The following MIS18A variants were observed in gnomAD, a reference collection of about 807,000 sequenced individuals.
MIS18A encodes protein Mis18-alpha.
A neutral mutation model predicts 25.0 loss-of-function variants in MIS18A; 14 were observed. The observed-to-expected ratio is 0.56, with a 90% CI of 0.37 to 0.88. The LOEUF is 0.88. Among genes scored for constraint, MIS18A ranks in the 40% least tolerant of loss-of-function variants. The pLI is 0.00. For synonymous variants in MIS18A, 134 were observed against 118.6 expected, an observed-to-expected ratio of 1.13 and a Z score of -0.84; for missense variants, 292 against 290.8, an observed-to-expected ratio of 1.00 and a Z score of -0.03.
At chr21:32,178,647 T>C in the MIS18A span, among the ~76,000 whole-genome samples, 9 of 152,174 alleles carry the variant, frequency 5.9e-5, no homozygotes, top group Non-Finnish European at 1.2e-4. Flanking sequence ...TTTTCTCTTT[T>C]AAAATCTTCT....
Position 32,274,890 on chromosome 21 carries a change from G to A in MIS18A, c.341C>T (p.Ser114Phe), listed in dbSNP as rs2123469844. 1 of 1,608,398 alleles carries A rather than the reference G, an allele frequency of 6.2e-7. No homozygotes were observed. Among genetic ancestry groups the A allele is most frequent in the Non-Finnish European group, 8.5e-7 (1 of 1,175,978 alleles). Residue 114 changes from serine (S) to phenylalanine (F), a missense_variant, in exon 2 of 5, where the codon TCC (serine) becomes TTC (phenylalanine). Coordinates refer to ENST00000290130, the MANE Select transcript of MIS18A (RefSeq NM_018944.3). ...TTCCTTATCCACAGAAACATTACAG[G>A]AAACACCTAGAAACAGAGAAAGTAA... ...DTNCILLRCVSCNVSVDKEQK... is the reference protein window; with the variant it reads ...DTNCILLRCVFCNVSVDKEQK...
chr21:32,174,153 C>T, the MIS18A span, among the ~76,000 whole-genome samples: 7 of 151,636 alleles, frequency 4.6e-5, no homozygotes, highest in Middle Eastern at 3.4e-3. Context: ...TTAGTAGAGA[C>T]GGGGTTTCAC....
chr21:32,252,128 G>T, the MIS18A span, among the ~76,000 whole-genome samples: 1 of 152,044 alleles, frequency 6.6e-6, no homozygotes, highest in South Asian at 2.1e-4. Context: ...TGACACTGCA[G>T]TGAACTAAGA....
At chr21:32,203,334 A>G in the MIS18A span, among the ~76,000 whole-genome samples, 1 of 152,036 alleles carries the variant, frequency 6.6e-6, no homozygotes, top group Non-Finnish European at 1.5e-5. Context: ...CTAAAATGAA[A>G]GGGTCACTAA....
chr21:32,229,476 G>A, the MIS18A span, among the ~76,000 whole-genome samples: 1 of 152,034 alleles, frequency 6.6e-6, no homozygotes, highest in Non-Finnish European at 1.5e-5. Flanking sequence ...GCACTTCAAA[G>A]CCTGTTGTAA....
intron 2 of MIS18A, among the ~76,000 whole-genome samples, chr21:32,272,787 C>A (rs2031737155): frequency 6.6e-6 from 1 of 152,146 alleles, no homozygotes; most frequent in South Asian, 2.1e-4. Context: ...TGTAATAGCA[C>A]AGTTGGTACC....
At chr21:32,193,784 A>G in the MIS18A span, among the ~76,000 whole-genome samples, 1 of 151,732 alleles carries the variant, frequency 6.6e-6, no homozygotes, top group Non-Finnish European at 1.5e-5. Context: ...TTTAATGTGT[A>G]CTTCTGCAAA....
Position 32,269,793 on chromosome 21 carries a change from C to A in MIS18A, c.535G>T (p.Gly179Trp). ...GACACAATTTGCTTTTCAGAGGACC[C>A]TAAAACATAACTGAAGTACGGTACA... ...SVEAIESYVLGSSEKQIVSED... is the reference protein window; with the variant it reads ...SVEAIESYVLWSSEKQIVSED... Residue 179 changes from glycine (G) to tryptophan (W), a missense_variant, in exon 4 of 5, where the codon GGG (glycine) becomes TGG (tryptophan). Coordinates refer to ENST00000290130, the MANE Select transcript of MIS18A (RefSeq NM_018944.3). 6.3e-7 allele frequency: 1 copy of A among 1,599,566 alleles called. No individual in the cohort carries two copies. Among genetic ancestry groups the A allele is most frequent in the South Asian group, 1.1e-5 (1 of 90,734 alleles).
At chr21:32,163,242 A>G in the MIS18A span, among the ~76,000 whole-genome samples, 2 of 152,182 alleles carry the variant, frequency 1.3e-5, no homozygotes, top group African/African-American at 2.4e-5. Context: ...ATGTTTGCCA[A>G]ATTTCCACTT....
At position 32,269,694 on chromosome 21, in the gene MIS18A, A is replaced by G. The variant is rs377004757; in HGVS notation, c.621+13T>C. The G allele has an allele frequency of 2.5e-5, 37 of 1,459,796 alleles. No homozygotes were observed. In the African/African-American group the frequency reaches 4.1e-4, roughly 16 times the overall value. 90.4% of individuals were successfully genotyped at this position (1,459,796 alleles called of 1,614,324 possible). A position where few individuals can be genotyped will look rare whatever the true frequency, so the allele number is the denominator to read the frequency against. On this transcript the variant is annotated intron_variant, in intron 4 of 4. Coordinates refer to ENST00000290130, the MANE Select transcript of MIS18A (RefSeq NM_018944.3). Reference sequence around the variant, plus strand: ...GTTCATACAAAGATATAAAATGTACAGAATAAAATTACCTGTGTTAGAGAC... The same window carrying G: ...GTTCATACAAAGATATAAAATGTACGGAATAAAATTACCTGTGTTAGAGAC...
At chr21:32,265,272 C>A (rs144684498), downstream of MIS18A, among the ~76,000 whole-genome samples, 1,961 of 152,308 alleles carry the variant, frequency 0.013, 38 homozygotes, top group African/African-American at 0.044. Flanking sequence ...CTGTGGGAGC[C>A]CCTTTCTGGG....
downstream of MIS18A, among the ~76,000 whole-genome samples, chr21:32,266,544 A>T (rs1019040487): frequency 1.3e-5 from 2 of 152,066 alleles, no homozygotes; most frequent in African/African-American, 2.4e-5. Flanking sequence ...TTCACTCCTG[A>T]GCCCAGTGAG....
the MIS18A span, among the ~76,000 whole-genome samples, chr21:32,262,172 G>A: frequency 6.6e-6 from 1 of 152,156 alleles, no homozygotes; most frequent in Admixed American, 6.5e-5. Context: ...TACGGAAGAG[G>A]GTTCTGTGAG....
the MIS18A span, among the ~76,000 whole-genome samples, chr21:32,193,460 G>C: frequency 6.6e-6 from 1 of 150,698 alleles, no homozygotes; most frequent in Non-Finnish European, 1.5e-5. Flanking sequence ...TGATATAATA[G>C]GTTGATGATA....
chr21:32,277,810 G>T (rs1361174777), intron 1 of MIS18A: 1 of 152,170 alleles, frequency 6.6e-6, no homozygotes. Flanking sequence ...GGTGCAAAGA[G>T]TTAATCTCAA....
chr21:32,191,843 T>C, the MIS18A span, among the ~76,000 whole-genome samples: 1 of 151,870 alleles, frequency 6.6e-6, no homozygotes, highest in South Asian at 2.1e-4. Flanking sequence ...AGGTGGAGGT[T>C]GCAGTGAGCC....
chr21:32,240,991 C>CT, the MIS18A span, among the ~76,000 whole-genome samples: 1 of 152,176 alleles, frequency 6.6e-6, no homozygotes, highest in African/African-American at 2.4e-5. Context: ...AGAAATTTCT[C>CT]TTTAAAGAAA....
the MIS18A span, among the ~76,000 whole-genome samples, chr21:32,248,997 T>C: frequency 2.0e-5 from 3 of 152,204 alleles, no homozygotes; most frequent in African/African-American, 7.2e-5. Context: ...TTCTCTTCTT[T>C]ATAAAAATGA....
chr21:32,270,335 A>G (rs2031689952), intron 3 of MIS18A, 72 bp downstream of exon 3: 2 of 1,540,144 alleles, frequency 1.3e-6, no homozygotes, highest in Non-Finnish European at 1.8e-6. Flanking sequence ...GTATTGATTT[A>G]GTTCTGACAA....
Sources: allele counts gnomAD v4.1 joint callset (sites outside exome capture counted in the v4.1 genomes callset), GRCh38; gene constraint gnomAD v4.1.1; transcripts MANE v1.5; gene names NCBI Gene and HGNC (gene_info 2026-07-23, HGNC 2026-07-21).